The following ANGPT4 variants were observed in gnomAD, a reference collection of about 807,000 sequenced individuals.
ANGPT4 encodes the protein angiopoietin-4.
A neutral mutation model predicts 53.0 loss-of-function variants in ANGPT4; 50 were observed. That is an observed-to-expected ratio of 0.94 (90% CI 0.75 to 1.20). The LOEUF (loss-of-function observed/expected upper bound fraction) is 1.20. ANGPT4 is among the 50% of genes most tolerant of loss of function. The probability of loss-of-function intolerance (pLI) is 0.00; values close to 1 mark genes in which losing one functional copy is unlikely to be tolerated. For missense variants in ANGPT4, 648 were observed against 637.1 expected, an observed-to-expected ratio of 1.02 and a Z score of -0.18; for synonymous variants, 251 against 259.7, an observed-to-expected ratio of 0.97 and a Z score of 0.32.
At chr20:909,021 G>A (rs190170205) in intron 1 of ANGPT4, among the ~76,000 whole-genome samples, 4 of 152,216 alleles carry the variant, frequency 2.6e-5, no homozygotes, top group Admixed American at 1.3e-4. Flanking sequence ...GTAAATGGTG[G>A]GCACAGAGAG....
chr20:888,858 T>C (rs1406708783), intron 2 of ANGPT4, among the ~76,000 whole-genome samples: 1 of 152,174 alleles, frequency 6.6e-6, no homozygotes, highest in Admixed American at 6.5e-5. Context: ...TTAAAACATG[T>C]TTGCTCTGTT....
intron 1 of ANGPT4, among the ~76,000 whole-genome samples, chr20:903,423 C>T (rs1982360675): frequency 6.6e-6 from 1 of 152,166 alleles, no homozygotes; most frequent in South Asian, 2.1e-4. Flanking sequence ...TCCCAGCCCC[C>T]ATTGTCTCTA....
chr20:899,603 G>A (rs1982206573), intron 1 of ANGPT4, among the ~76,000 whole-genome samples: 2 of 152,024 alleles, frequency 1.3e-5, no homozygotes, highest in Non-Finnish European at 2.9e-5. Flanking sequence ...CACCTGCCCA[G>A]TACCCTTATT....
At chr20:899,876 C>T (rs1305505136) in intron 1 of ANGPT4, among the ~76,000 whole-genome samples, 2 of 152,248 alleles carry the variant, frequency 1.3e-5, no homozygotes, top group Non-Finnish European at 2.9e-5. Context: ...CTTACCTGGG[C>T]TGTACTGCCA....
chr20:885,461 A>G, intron 3 of ANGPT4, 136 bp from the exon 4 acceptor site: 1 of 1,276,428 alleles, frequency 7.8e-7, no homozygotes, highest in Non-Finnish European at 1.0e-6. Context: ...TGCCCACTGT[A>G]GGCACAGATT....
chr20:890,415 C>A (rs766941962), intron 1 of ANGPT4, 47 bp from the exon 2 acceptor site: 1 of 1,545,278 alleles, frequency 6.5e-7, no homozygotes, highest in Non-Finnish European at 8.8e-7. Flanking sequence ...GCGGGGGAAG[C>A]CCCCTGTCCC....
chr20:897,247 G>A (rs1036731922), intron 1 of ANGPT4, among the ~76,000 whole-genome samples: 34 of 152,122 alleles, frequency 2.2e-4, no homozygotes, highest in African/African-American at 6.0e-4. Context: ...CTGAAGACCC[G>A]GGACAGGAGG....
At chr20:906,397 C>A (rs8124125) in intron 1 of ANGPT4, among the ~76,000 whole-genome samples, 3,315 of 152,230 alleles carry the variant, frequency 0.022, 125 homozygotes, top group African/African-American at 0.077. Context: ...AGTGCAACCA[C>A]ATGAAAAAAA....
In ANGPT4 at chr20:915,902, G is replaced by T. The variant is rs73565266; in HGVS notation, c.309+4C>A. The T allele has an allele frequency of 3.2e-6, 5 of 1,559,606 alleles. No homozygotes were observed. The Admixed American group carries it at 7.1e-5, about 22-fold the overall frequency. ...GCCCCCTGCAAACCTCCCATGCCCC[G>T]TACCTTCTTCAGCCACTGCGTGTTG... On this transcript the variant is annotated splice_donor_region_variant and intron_variant, in intron 1 of 8. Coordinates refer to ENST00000381922, the MANE Select transcript of ANGPT4 (RefSeq NM_015985.4).
intron 8 of ANGPT4, 141 bp from the exon 9 acceptor site, chr20:873,261 C>T (rs1981019968): frequency 4.6e-5 from 11 of 241,006 alleles, no homozygotes; most frequent in South Asian, 9.6e-5. Flanking sequence ...GGGGATGGGG[C>T]TGGGTGGGAG....
In ANGPT4 at chr20:885,099, T is replaced by G; in HGVS notation, c.814A>C (p.Arg272=). 1 of 1,613,696 alleles carries G rather than the reference T, an allele frequency of 6.2e-7. No homozygotes were observed. Among genetic ancestry groups the G allele is most frequent in the Non-Finnish European group, 8.5e-7 (1 of 1,179,900 alleles). ...TCACCCGGGGCCGAGGCGTTAGCCC[T>G]TTCTTGCACCAGGTGCCGCAACAAC... ...LVLLRHLVQE[R]ANASAPAFIM... is the part of the protein sequence containing the mutation. Residue 272 remains arginine, a synonymous_variant, in exon 4 of 9, where the codon AGG becomes CGG. Coordinates refer to ENST00000381922, the MANE Select transcript of ANGPT4 (RefSeq NM_015985.4).
chr20:901,822 G>A (rs1234978401), intron 1 of ANGPT4, among the ~76,000 whole-genome samples: 1 of 152,248 alleles, frequency 6.6e-6, no homozygotes, highest in Non-Finnish European at 1.5e-5. Context: ...GGCTGAGGCA[G>A]GAGGATGGCT....
At chr20:910,417 T>C (rs921581695) in intron 1 of ANGPT4, among the ~76,000 whole-genome samples, 18 of 152,288 alleles carry the variant, frequency 1.2e-4, no homozygotes, top group African/African-American at 4.3e-4. Context: ...AATTGATATA[T>C]GTGGCTTCCC....
chr20:907,419 C>T (rs1982516222), intron 1 of ANGPT4, among the ~76,000 whole-genome samples: 1 of 152,180 alleles, frequency 6.6e-6, no homozygotes, highest in Admixed American at 6.5e-5. Flanking sequence ...CCTCCTCAGG[C>T]TCAGGTATGC....
chr20:890,093 A>G, intron 2 of ANGPT4, 120 bp downstream of exon 2: 1 of 1,251,336 alleles, frequency 8.0e-7, no homozygotes, highest in Non-Finnish European at 1.1e-6. Context: ...CCGGGGGGCT[A>G]CAGGCCCAGA....
intron 1 of ANGPT4, among the ~76,000 whole-genome samples, chr20:890,876 G>A (rs1018772958): frequency 2.6e-5 from 4 of 152,112 alleles, no homozygotes; most frequent in Non-Finnish European, 5.9e-5. Context: ...TGTTCCCTCT[G>A]GAATCCTCCC....
At chr20:915,818 A>C in intron 1 of ANGPT4, 88 bp downstream of exon 1, 20 of 1,420,960 alleles carry the variant, frequency 1.4e-5, no homozygotes, top group Admixed American at 2.3e-5. Flanking sequence ...GTGCTCAGGG[A>C]AGGCCTCTTG....
chr20:892,956 C>T (rs140209141), intron 1 of ANGPT4, among the ~76,000 whole-genome samples: 34 of 152,300 alleles, frequency 2.2e-4, no homozygotes, highest in African/African-American at 2.9e-4. Context: ...TGTTGCTGGA[C>T]GACTTCCCCC....
intron 8 of ANGPT4, among the ~76,000 whole-genome samples, chr20:873,618 C>G (rs927496263): frequency 2.6e-5 from 4 of 151,886 alleles, no homozygotes; most frequent in African/African-American, 9.7e-5. Flanking sequence ...GTGTCTCTGG[C>G]CCTCCCTTCC....
Sources: gnomAD v4.1 joint callset for allele counts (sites outside exome capture counted in the v4.1 genomes callset) on GRCh38, gnomAD v4.1.1 for gene constraint, MANE v1.5 for transcripts, NCBI Gene and HGNC (gene_info 2026-07-23, HGNC 2026-07-21) for gene names.